The following ZNF468 variants were observed in gnomAD, a reference collection of about 807,000 sequenced individuals.
ZNF468 encodes zinc finger protein ZNF468.
Under a neutral mutation model 7.2 loss-of-function variants are expected in ZNF468, and 8 were observed. The ratio of observed to expected loss-of-function variants is 1.11; its 90% CI spans 0.65 to 2.01. ZNF468 has a LOEUF of 2.01. Ranked by LOEUF, ZNF468 falls within the 30% of genes most tolerant of loss-of-function variation. ZNF468 has a pLI of 0.00. For synonymous variants in ZNF468, 218 were observed against 214.4 expected, an observed-to-expected ratio of 1.02 and a Z score of -0.15; for missense variants, 608 against 626.5, an observed-to-expected ratio of 0.97 and a Z score of 0.31.
chr19:52,846,639 A>C (rs1600520783), intron 3 of ZNF468: 2 of 156,846 alleles, frequency 1.3e-5, no homozygotes, highest in African/African-American at 4.8e-5. Context: ...TAATGTTGTT[A>C]TATTCACACT....
Position 52,840,883 on chromosome 19 carries a change from C to G in ZNF468, c.1411G>C (p.Glu471Gln), listed in dbSNP as rs754314016. The G allele has an allele frequency of 4.3e-6, 7 of 1,614,006 alleles. No individual in the cohort carries two copies. The highest frequency in any genetic ancestry group is 5.9e-6 in the Non-Finnish European group (7 of 1,179,996). Residue 471 changes from glutamate to glutamine, a missense_variant, in exon 4 of 4, where the codon GAG (glutamate) becomes CAG (glutamine). By Grantham distance (29) the Glu-to-Gln change is conservative (BLOSUM62 2). Transcript: ENST00000595646. ...HTGEKPYKCN[E>Q]CGKTFGQTSS... is the part of the protein sequence containing the mutation. ...GTCTGACCGAAGGTCTTGCCACACT[C>G]ATTACACTTGTAAGGTTTCTCTCCA... is the stretch of plus-strand genomic sequence containing the variant.
chr19:52,843,566 G>A (rs191210538), intron 3 of ZNF468, among the ~76,000 whole-genome samples: 80 of 152,128 alleles, frequency 5.3e-4, no homozygotes, highest in East Asian at 4.1e-3. Context: ...GAGTGTGTCC[G>A]TTATATTGCA....
chr19:52,857,009 C>T (rs1481495581), intron 1 of ZNF468, among the ~76,000 whole-genome samples: 3 of 152,000 alleles, frequency 2.0e-5, no homozygotes, highest in South Asian at 4.1e-4. Flanking sequence ...AAGAACACCC[C>T]GCGTCACAGG....
chr19:52,855,926 C>T (rs1422093008), intron 1 of ZNF468, among the ~76,000 whole-genome samples: 1 of 152,250 alleles, frequency 6.6e-6, no homozygotes, highest in African/African-American at 2.4e-5. Context: ...CTGAGAAGGT[C>T]TGAGATGAGT....
At chr19:52,849,337 T>C in intron 2 of ZNF468, 124 bp from the exon 3 acceptor site, 3 of 1,547,020 alleles carry the variant, frequency 1.9e-6, no homozygotes, top group South Asian at 2.5e-5. Flanking sequence ...CAAATCCAAA[T>C]AAGGGATTTC....
Position 52,841,792 on chromosome 19 carries a change from T to C in ZNF468, c.502A>G (p.Ile168Val), listed in dbSNP as rs747917943. Residue 168 changes from isoleucine (I) to valine (V), a missense_variant, in exon 4 of 4, where the codon ATC becomes GTC. Transcript: ENST00000595646. ...GKIGNQVEKS[I>V]NNASSVSTSQ... ...GTTGAAACTGAGGAAGCATTGTTGATAGACTTCTCAACTTGATTACCAATT... is the reference window on the plus strand; with the variant it reads ...GTTGAAACTGAGGAAGCATTGTTGACAGACTTCTCAACTTGATTACCAATT... The C allele has an allele frequency of 9.3e-6, 15 of 1,614,004 alleles. No homozygotes were observed. Among genetic ancestry groups the C allele is most frequent in the Middle Eastern group, 1.6e-4 (1 of 6,084 alleles).
intron 2 of ZNF468, among the ~76,000 whole-genome samples, chr19:52,850,852 T>TC (rs1414904370): frequency 6.6e-6 from 1 of 151,712 alleles, no homozygotes; most frequent in Non-Finnish European, 1.5e-5. Context: ...TGAGCCGAGA[T>TC]CGCGCCACTG....
At chr19:52,854,596 C>A (rs1243107388) in intron 1 of ZNF468, among the ~76,000 whole-genome samples, 2 of 152,106 alleles carry the variant, frequency 1.3e-5, no homozygotes, top group African/African-American at 4.8e-5. Context: ...AATACAAAAA[C>A]TTAGCCAGGT....
intron 2 of ZNF468, among the ~76,000 whole-genome samples, chr19:52,851,932 G>A (rs1453811793): frequency 2.6e-5 from 4 of 152,026 alleles, no homozygotes; most frequent in Non-Finnish European, 4.4e-5. Flanking sequence ...ATAGATGTGT[G>A]TGTATGTATG....
chr19:52,854,194 A>T, intron 2 of ZNF468, 64 bp downstream of exon 2: 2 of 1,611,942 alleles, frequency 1.2e-6, no homozygotes, highest in South Asian at 2.2e-5. Context: ...GACATTCCCA[A>T]CTCCAAGGCC....
chr19:52,856,987 A>T (rs1210584629), intron 1 of ZNF468, among the ~76,000 whole-genome samples: 1 of 152,026 alleles, frequency 6.6e-6, no homozygotes, highest in African/African-American at 2.4e-5. Context: ...CAAGTGCTGG[A>T]GCTGGGCGGG....
At chr19:52,855,225 A>G (rs2063426821) in intron 1 of ZNF468, among the ~76,000 whole-genome samples, 1 of 150,900 alleles carries the variant, frequency 6.6e-6, no homozygotes, top group African/African-American at 2.4e-5. Context: ...CACAGAGATA[A>G]GAAGACTTGA....
In ZNF468 at chr19:52,840,392, G is replaced by T. The variant is rs2063284901; in HGVS notation, c.*333C>A. On this transcript the variant is annotated 3_prime_UTR_variant, in exon 4 of 4. Coordinates refer to ENST00000595646, the MANE Select transcript of ZNF468 (RefSeq NM_001008801.2). Reference sequence around the variant, plus strand: ...TTGCCACACTCATTACACTTATAATGAGTTTCTCTCCAGTGTGAATTCTAG... The same window carrying T: ...TTGCCACACTCATTACACTTATAATTAGTTTCTCTCCAGTGTGAATTCTAG... The T allele has an allele frequency of 1.9e-6, 1 of 516,592 alleles. No individual in the cohort carries two copies. Among genetic ancestry groups the T allele is most frequent in the Non-Finnish European group, 3.6e-6 (1 of 277,728 alleles). 32.0% of individuals were successfully genotyped at this position (516,592 alleles called of 1,614,324 possible). A position where few individuals can be genotyped will look rare whatever the true frequency, so the allele number is the denominator to read the frequency against.
At position 52,850,896 on chromosome 19, in the gene ZNF468, C is replaced by T. The variant is rs368642371; in HGVS notation, c.16-1683G>A. Among the ~76,000 whole-genome samples, 42 of 150,748 alleles carry T rather than the reference C, an allele frequency of 2.8e-4. No homozygotes were observed. The East Asian group carries it at 4.0e-3, about 14-fold the overall frequency. ...CCTGGGCGACAGAGCGAGACTCCGT[C>T]TTGAAAATAAAAATAATAATAAATA... On this transcript the variant is annotated intron_variant, in intron 2 of 3. Transcript: ENST00000595646.
At chr19:52,842,454 G>A (rs1439934028) in intron 3 of ZNF468, among the ~76,000 whole-genome samples, 5 of 152,060 alleles carry the variant, frequency 3.3e-5, no homozygotes, top group Non-Finnish European at 7.4e-5. Context: ...GTCACACTGT[G>A]CAAAATACAT....
At chr19:52,848,859 G>A (rs1385763238) in intron 3 of ZNF468, among the ~76,000 whole-genome samples, 2 of 152,018 alleles carry the variant, frequency 1.3e-5, no homozygotes, top group South Asian at 2.1e-4. Context: ...GCTGCCATAA[G>A]GTTTTATGCT....
chr19:52,840,070 G>A lies in ZNF468; in HGVS notation c.*655C>T. 1 of 1,032,862 alleles carries A rather than the reference G, an allele frequency of 9.7e-7. No individual in the cohort carries two copies. Among genetic ancestry groups the A allele is most frequent in the Non-Finnish European group, 1.3e-6 (1 of 755,422 alleles). The allele number at this position is 1,032,862 out of a possible 1,614,324, so 64.0% of individuals were successfully genotyped here. A position where few individuals can be genotyped will look rare whatever the true frequency, so the allele number is the denominator to read the frequency against. On this transcript the variant is annotated 3_prime_UTR_variant, in exon 4 of 4. Coordinates refer to ENST00000595646, the MANE Select transcript of ZNF468 (RefSeq NM_001008801.2). ...CTCTCCAGTGTGAATTCTAGTATGG[G>A]GTGCCACGTGTGAATCATTCCCGAA...
intron 3 of ZNF468, among the ~76,000 whole-genome samples, chr19:52,844,461 T>A (rs1209200895): frequency 6.6e-6 from 1 of 152,122 alleles, no homozygotes; most frequent in African/African-American, 2.4e-5. Context: ...TTAAGCTACA[T>A]CCTTTTTTGT....
In ZNF468 at chr19:52,841,701, T is replaced by G. The variant is rs139909919; in HGVS notation, c.593A>C (p.His198Pro). The stretch of plus-strand genomic sequence containing the variant: ...CCATTTTTGTGTGAGTAATGAAGAA[T>G]GGAGGGAATTATTTCCATACTTATT... ...ISNKYGNNSL[H>P]SSLLTQKWEV... Residue 198 changes from histidine to proline, a missense_variant, in exon 4 of 4, where the codon CAT becomes CCT. Physicochemically the swap from His to Pro is moderately conservative, Grantham distance 77. Transcript: ENST00000595646. The G allele has an allele frequency of 3.5e-4, 570 of 1,614,084 alleles. 1 individual carries two copies. The highest frequency in any genetic ancestry group is 1.4e-3 in the Admixed American group (85 of 59,988).
Sources: gnomAD v4.1 joint callset for allele counts (sites outside exome capture counted in the v4.1 genomes callset) on GRCh38, gnomAD v4.1.1 for gene constraint, MANE v1.5 for transcripts, NCBI Gene and HGNC (gene_info 2026-07-23, HGNC 2026-07-21) for gene names.